PDS5A: variants seen among roughly 807,000 people sequenced by gnomAD.
PDS5A encodes sister chromatid cohesion protein PDS5 homolog A.
Under a neutral mutation model 167.1 loss-of-function variants are expected in PDS5A, and 42 were observed. The ratio of observed to expected loss-of-function variants is 0.25; its 90% CI spans 0.20 to 0.33. The LOEUF (loss-of-function observed/expected upper bound fraction) is 0.33, where lower values mean the gene tolerates loss of function less well. PDS5A is among the 10% of genes least tolerant of loss of function. The pLI is 1.00. For synonymous variants in PDS5A, 553 were observed against 554.6 expected (o/e 1.00, Z 0.04); for missense variants, 1,033 against 1,605.9 (o/e 0.64, Z 6.10).
intron 13 of PDS5A, among the ~76,000 whole-genome samples, chr4:39,900,754 A>T (rs564277931): frequency 6.6e-6 from 1 of 152,366 alleles, no homozygotes; most frequent in Admixed American, 6.5e-5. Context: ...GGATTGAAAG[A>T]TGTACTAAAT....
intron 31 of PDS5A, among the ~76,000 whole-genome samples, chr4:39,838,559 A>G (rs1716649897): frequency 6.6e-6 from 1 of 152,206 alleles, no homozygotes; most frequent in Non-Finnish European, 1.5e-5. Flanking sequence ...CCATCTCTAC[A>G]AATAATTTAA....
At chr4:39,867,046 T>A in intron 22 of PDS5A, 49 bp from the exon 23 acceptor site, 1 of 1,441,320 alleles carries the variant, frequency 6.9e-7, no homozygotes, top group Non-Finnish European at 9.5e-7. Flanking sequence ...AAAATTCCAA[T>A]TAAAGGGAAA....
intron 5 of PDS5A, among the ~76,000 whole-genome samples, chr4:39,924,697 T>A (rs1179319794): frequency 1.3e-5 from 2 of 152,260 alleles, no homozygotes; most frequent in African/African-American, 4.8e-5. Flanking sequence ...ATTATCAATA[T>A]GAATTTCACT....
At chr4:39,837,669 TCAAA>T in intron 32 of PDS5A, 183 bp downstream of exon 32, 1 of 489,216 alleles carries the variant, frequency 2.0e-6, no homozygotes, top group African/African-American at 1.9e-5. Flanking sequence ...AGATTTTTCT[TCAAA>T]TTTGTGCCTT....
At chr4:39,923,355 A>G (rs1725173097) in intron 5 of PDS5A, among the ~76,000 whole-genome samples, 1 of 151,502 alleles carries the variant, frequency 6.6e-6, no homozygotes, top group South Asian at 2.1e-4. Context: ...AAGAAAAAAA[A>G]AAGGAAAAGG....
chr4:39,949,098 G>C (rs1578805700), intron 2 of PDS5A, among the ~76,000 whole-genome samples: 2 of 151,406 alleles, frequency 1.3e-5, no homozygotes, highest in East Asian at 3.9e-4. Flanking sequence ...AGGATTTTGA[G>C]ACTGGGCAAC....
chr4:39,901,247 GTCTTTTTTTCTTTTCTT>G (rs1722853058), intron 13 of PDS5A, among the ~76,000 whole-genome samples: 1 of 148,396 alleles, frequency 6.7e-6, no homozygotes, highest in African/African-American at 2.5e-5. Flanking sequence ...CAAAATGACA[GTCTTTTTTTCTTTTCTT>G]TCTTTTTTTT....
At chr4:39,864,235 T>C (rs1719238637) in intron 23 of PDS5A, among the ~76,000 whole-genome samples, 1 of 152,104 alleles carries the variant, frequency 6.6e-6, no homozygotes, top group South Asian at 2.1e-4. Flanking sequence ...ATTTCCTGCA[T>C]ATAAACATGT....
chr4:39,898,898 C>T (rs946123253), intron 14 of PDS5A, 73 bp from the exon 15 acceptor site: 1 of 881,846 alleles, frequency 1.1e-6, no homozygotes, highest in African/African-American at 1.7e-5. Context: ...AAAATCAATA[C>T]TCATTACTGT....
rs199877230 is a variant in PDS5A, at chr4:39,890,368, T to C, written c.1771-4A>G. 1.4e-5 allele frequency: 21 copies of C among 1,496,006 alleles called. No homozygotes were observed. The highest frequency in any genetic ancestry group is 4.0e-5 in the Admixed American group (2 of 50,436). 92.7% of individuals were successfully genotyped at this position (1,496,006 alleles called of 1,614,324 possible). The stretch of plus-strand genomic sequence containing the variant: ...CAAGTTTCCGGGCTATTTCTCTCTA[T>C]AGAAAGAAAGGAGTTTTACCAAAAA... On this transcript the variant is annotated splice_polypyrimidine_tract_variant and splice_region_variant and intron_variant, in intron 16 of 32. Coordinates refer to ENST00000303538, the MANE Select transcript of PDS5A (RefSeq NM_001100399.2).
chr4:39,919,843 T>C (rs932888651), intron 7 of PDS5A, among the ~76,000 whole-genome samples: 1 of 151,878 alleles, frequency 6.6e-6, no homozygotes, highest in Non-Finnish European at 1.5e-5. Flanking sequence ...ACTATCACAA[T>C]CTTTCATTAC....
chr4:39,865,273 C>T (rs948259360), intron 23 of PDS5A, among the ~76,000 whole-genome samples: 5 of 152,186 alleles, frequency 3.3e-5, no homozygotes, highest in African/African-American at 1.2e-4. Flanking sequence ...CTAGGTATCA[C>T]TGACTTGTAA....
Position 39,876,977 on chromosome 4 carries a change from GA to G in PDS5A, c.2153+15del. The G allele has an allele frequency of 6.3e-7, 1 of 1,590,376 alleles. No homozygotes were observed. The highest frequency in any genetic ancestry group is 8.6e-7 in the Non-Finnish European group (1 of 1,166,442). On this transcript the variant is annotated intron_variant, in intron 19 of 32. Transcript: ENST00000303538. Reference sequence around the variant, plus strand: ...AGAAACTTTTGTATTTACCACGGGAGAAAAAATGTACTCACGATCGTATCTG... The same window carrying G: ...AGAAACTTTTGTATTTACCACGGGAGAAAAATGTACTCACGATCGTATCTG...
At chr4:39,854,659 T>C (rs1265603324) in intron 26 of PDS5A, among the ~76,000 whole-genome samples, 3 of 152,216 alleles carry the variant, frequency 2.0e-5, no homozygotes, top group African/African-American at 7.2e-5. Context: ...ATATATCACA[T>C]ATCATATTGT....
chr4:39,904,295 TTATAAACTGG>T (rs1212759451), intron 11 of PDS5A, 104 bp from the exon 12 acceptor site: 1 of 592,818 alleles, frequency 1.7e-6, no homozygotes, highest in Admixed American at 3.8e-5. Flanking sequence ...ATGTGTGCCT[TTATAAACTGG>T]CACACTATTT....
intron 2 of PDS5A, among the ~76,000 whole-genome samples, chr4:39,958,048 A>G (rs1468491212): frequency 6.6e-6 from 1 of 151,862 alleles, no homozygotes; most frequent in Admixed American, 6.6e-5. Flanking sequence ...ACACCACCAC[A>G]CCTAGCTAAT....
intron 2 of PDS5A, among the ~76,000 whole-genome samples, chr4:39,970,479 A>G (rs1387675629): frequency 6.6e-6 from 1 of 151,704 alleles, no homozygotes; most frequent in Non-Finnish European, 1.5e-5. Flanking sequence ...TCTCCCTACA[A>G]AAGACCAAAC....
rs143298931 is a variant in PDS5A at position 39,925,821 on chromosome 4, TAAA to T, written c.527+12_527+14del. ...AGAAAAAGAGACAAACAGAAATGCT[TAAA>T]AAATAACTTACTTGATCACTGAGAA... is the stretch of plus-strand genomic sequence containing the variant. On this transcript the variant is annotated intron_variant, in intron 5 of 32. Transcript: ENST00000303538. 87 of 1,073,724 alleles carry T rather than the reference TAAA, an allele frequency of 8.1e-5. 1 individual carries two copies. The African/African-American group carries it at 1.4e-3, about 17-fold the overall frequency. 66.5% of individuals were successfully genotyped at this position (1,073,724 alleles called of 1,614,324 possible). A position where few individuals can be genotyped will look rare whatever the true frequency, so the allele number is the denominator to read the frequency against.
At chr4:39,939,639 C>A (rs566423944) in intron 2 of PDS5A, among the ~76,000 whole-genome samples, 1 of 152,020 alleles carries the variant, frequency 6.6e-6, no homozygotes, top group Admixed American at 6.6e-5. Context: ...ACTAAAAATA[C>A]AACAATTAGT....
Sources: gnomAD v4.1 joint callset for allele counts (sites outside exome capture counted in the v4.1 genomes callset) on GRCh38, gnomAD v4.1.1 for gene constraint, MANE v1.5 for transcripts, NCBI Gene and HGNC (gene_info 2026-07-23, HGNC 2026-07-21) for gene names.